Variants in TOGARAM1 observed in about 807,000 individuals in gnomAD.
TOGARAM1 encodes TOG array regulator of axonemal microtubules protein 1.
In TOGARAM1, 100 loss-of-function variants were observed where a neutral mutation model predicts 166.6. The observed-to-expected ratio is 0.60, with a 90% CI of 0.51 to 0.71. The LOEUF (loss-of-function observed/expected upper bound fraction) is 0.71, where lower values mean the gene tolerates loss of function less well. TOGARAM1 is among the 30% of genes least tolerant of loss of function. The pLI is 0.00. For synonymous variants in TOGARAM1, 758 were observed against 763.8 expected (o/e 0.99, Z 0.13); for missense variants, 2,029 against 2,102.7 (o/e 0.96, Z 0.69).
chr14:44,985,078 A>G (rs550442105), intron 1 of TOGARAM1, among the ~76,000 whole-genome samples: 50 of 151,992 alleles, frequency 3.3e-4, no homozygotes, highest in African/African-American at 1.1e-3. Flanking sequence ...CAGTGGCGCA[A>G]TCTTGGCTCA....
intron 2 of TOGARAM1, chr14:44,996,152 G>C (rs191364863): frequency 3.0e-4 from 70 of 231,546 alleles, no homozygotes; most frequent in Admixed American, 2.9e-3. Flanking sequence ...TATTTATTAA[G>C]GTGCTTTTCT....
At position 45,068,660 on chromosome 14, in the gene TOGARAM1, C is replaced by T. The variant is rs759845182; in HGVS notation, c.4969+17C>T. ...AGCATGTAGGTAAGAAATCTTACTT[C>T]GGCACTCAAATTATTTTCACTTTCT... On this transcript the variant is annotated intron_variant, in intron 18 of 19. Transcript: ENST00000361462. The T allele has an allele frequency of 2.2e-5, 33 of 1,519,994 alleles. No homozygotes were observed. Among genetic ancestry groups the T allele is most frequent in the East Asian group, 1.2e-4 (5 of 42,390 alleles). 94.2% of individuals were successfully genotyped at this position (1,519,994 alleles called of 1,614,324 possible).
intron 11 of TOGARAM1, 25 bp downstream of exon 11, chr14:45,032,401 A>G (rs763573026): frequency 1.3e-5 from 21 of 1,590,828 alleles, no homozygotes; most frequent in African/African-American, 2.7e-5. Flanking sequence ...CTTAACTTAA[A>G]ACTAAGCAGA....
At position 45,052,494 on chromosome 14, in the gene TOGARAM1, C is replaced by G; in HGVS notation, c.4372C>G (p.Leu1458Val). The G allele has an allele frequency of 6.2e-7, 1 of 1,612,704 alleles. No individual in the cohort carries two copies. The highest frequency in any genetic ancestry group is 8.5e-7 in the Non-Finnish European group (1 of 1,179,294). ...MMCHPNFEKM[L>V]EKYVPSKDLP... is the part of the protein sequence containing the mutation. Reference sequence around the variant, plus strand: ...GTGTCATCCTAACTTTGAAAAAATGCTTGAAAAGTATGTCCCATCTAAAGA... The same window carrying G: ...GTGTCATCCTAACTTTGAAAAAATGGTTGAAAAGTATGTCCCATCTAAAGA... Residue 1458 changes from leucine to valine, a missense_variant, in exon 15 of 20, where the codon CTT becomes GTT. Physicochemically the swap from Leu to Val is conservative, Grantham distance 32. This residue lies in a region of TOGARAM1 where 576 missense variants were observed against 670.5 expected (regional missense o/e 0.86). Coordinates refer to ENST00000361462, the MANE Select transcript of TOGARAM1 (RefSeq NM_001308120.2).
intron 1 of TOGARAM1, among the ~76,000 whole-genome samples, chr14:44,983,551 G>T (rs1017546383): frequency 6.6e-6 from 1 of 152,124 alleles, no homozygotes; most frequent in African/African-American, 2.4e-5. Context: ...CACTTTGTGA[G>T]AACAAGGCTT....
chr14:45,043,200 C>T (rs188391398), intron 11 of TOGARAM1, among the ~76,000 whole-genome samples: 5 of 151,754 alleles, frequency 3.3e-5, no homozygotes, highest in East Asian at 3.9e-4. Context: ...CTCTTTGAGA[C>T]GGAGTCTTGC....
chr14:45,007,219 CAT>C (rs745822109), intron 5 of TOGARAM1: 6 of 151,746 alleles, frequency 4.0e-5, no homozygotes, highest in Admixed American at 6.6e-5. Flanking sequence ...TCATTTTTAA[CAT>C]ATGTCTTTAT....
intron 11 of TOGARAM1, among the ~76,000 whole-genome samples, chr14:45,040,043 T>C (rs1000208055): frequency 1.3e-5 from 2 of 152,210 alleles, no homozygotes; most frequent in African/African-American, 4.8e-5. Context: ...CCACAAGATA[T>C]ATTTACCAAG....
chr14:44,995,062 G>T (rs1442389443), intron 1 of TOGARAM1, among the ~76,000 whole-genome samples: 1 of 152,042 alleles, frequency 6.6e-6, no homozygotes, highest in Non-Finnish European at 1.5e-5. Flanking sequence ...GAAGAATTTT[G>T]AACATTTGAT....
intron 15 of TOGARAM1, among the ~76,000 whole-genome samples, chr14:45,053,284 G>A (rs1317080482): frequency 4.6e-5 from 7 of 151,886 alleles, no homozygotes; most frequent in African/African-American, 1.5e-4. Context: ...CAGGTGATCC[G>A]CCTGACTCGG....
intron 1 of TOGARAM1, among the ~76,000 whole-genome samples, chr14:44,977,803 G>A (rs1011993680): frequency 6.6e-6 from 1 of 151,982 alleles, no homozygotes; most frequent in Non-Finnish European, 1.5e-5. Flanking sequence ...GTGCCACCAT[G>A]CCCAGCTAAT....
intron 11 of TOGARAM1, among the ~76,000 whole-genome samples, chr14:45,036,869 G>A (rs1881461597): frequency 6.6e-6 from 1 of 152,220 alleles, no homozygotes; most frequent in South Asian, 2.1e-4. Flanking sequence ...AGAAAAATAG[G>A]TTTAATTGGA....
intron 1 of TOGARAM1, among the ~76,000 whole-genome samples, chr14:44,972,729 A>G (rs28802144): frequency 0.046 from 7,050 of 152,016 alleles, 541 homozygotes; most frequent in African/African-American, 0.16. Flanking sequence ...ACCTTTCTCC[A>G]TCTCTTTACT....
intron 1 of TOGARAM1, among the ~76,000 whole-genome samples, chr14:44,971,496 A>T (rs1185527894): frequency 6.6e-6 from 1 of 151,914 alleles, no homozygotes; most frequent in African/African-American, 2.4e-5. Flanking sequence ...CAAGAACCCG[A>T]GTTTGTTTTT....
intron 1 of TOGARAM1, among the ~76,000 whole-genome samples, chr14:44,968,775 G>C (rs981756065): frequency 6.6e-6 from 1 of 152,134 alleles, no homozygotes; most frequent in African/African-American, 2.4e-5. Flanking sequence ...ATGGGATTTT[G>C]GCAAATGTAT....
intron 1 of TOGARAM1, among the ~76,000 whole-genome samples, chr14:44,981,689 G>T (rs1204644165): frequency 1.3e-5 from 2 of 152,118 alleles, no homozygotes; most frequent in African/African-American, 4.8e-5. Flanking sequence ...CAGAGGAAAA[G>T]TTTGTGCTTT....
At position 45,073,246 on chromosome 14, in the gene TOGARAM1, G is replaced by C. The variant is rs529606669; in HGVS notation, c.5057-50G>C. ...AGTTGCTTTTTATTTAGCAGAGCTT[G>C]GGCTTATTTATTAAGAAAAAACCCT... On this transcript the variant is annotated intron_variant, in intron 19 of 19. Coordinates refer to ENST00000361462, the MANE Select transcript of TOGARAM1 (RefSeq NM_001308120.2). 7.2e-6 allele frequency: 11 copies of C among 1,526,000 alleles called. No individual in the cohort carries two copies. The East Asian group carries it at 2.3e-4, about 32-fold the overall frequency. The allele number at this position is 1,526,000 out of a possible 1,614,324, so 94.5% of individuals were successfully genotyped here.
intron 16 of TOGARAM1, among the ~76,000 whole-genome samples, chr14:45,058,325 C>T (rs1158921446): frequency 6.7e-6 from 1 of 148,208 alleles, no homozygotes; most frequent in Middle Eastern, 3.2e-3. Flanking sequence ...GACAGTGTCT[C>T]ACACAATTGC....
In TOGARAM1 at chr14:45,027,157, T is replaced by C. The variant is rs117524546; in HGVS notation, c.3329-142T>C. On this transcript the variant is annotated intron_variant, in intron 8 of 19. Transcript: ENST00000361462. The stretch of plus-strand genomic sequence containing the variant: ...AATGCCCTATTAGGGTATTTGTTTT[T>C]ATATTTTATAATTATTTAGCATGTT... 258 of 762,504 alleles carry C rather than the reference T, an allele frequency of 3.4e-4. 1 individual carries two copies. The highest frequency in any genetic ancestry group is 1.5e-3 in the East Asian group (54 of 35,262). The allele number at this position is 762,504 out of a possible 1,614,324, so 47.2% of individuals were successfully genotyped here.
Sources: gnomAD v4.1 joint callset for allele counts (sites outside exome capture counted in the v4.1 genomes callset) on GRCh38, gnomAD v4.1.1 for gene constraint, gnomAD v4.1.1 regional missense constraint, MANE v1.5 for transcripts, NCBI Gene and HGNC (gene_info 2026-07-23, HGNC 2026-07-21) for gene names.